Variants in PTPRT observed in about 807,000 individuals in gnomAD.
The protein encoded by PTPRT is protein tyrosine phosphatase receptor type T.
A neutral mutation model predicts 176.8 loss-of-function variants in PTPRT; 56 were observed. The ratio of observed to expected loss-of-function variants is 0.32; its 90% CI spans 0.26 to 0.40. The LOEUF is 0.40. PTPRT is among the 10% of genes least tolerant of loss of function. The pLI is 1.00. For synonymous variants in PTPRT, 783 were observed against 739.0 expected, an observed-to-expected ratio of 1.06 and a Z score of -0.96; for missense variants, 1,540 against 1,908.2, an observed-to-expected ratio of 0.81 and a Z score of 3.60.
intron 6 of PTPRT, 132 bp downstream of exon 6, chr20:42,756,330 G>T (rs2145405547): frequency 1.0e-6 from 1 of 970,988 alleles, no homozygotes. Flanking sequence ...TGGGGAGGGA[G>T]GCCAGAGTGA....
chr20:42,456,247 G>T (rs942401523), intron 8 of PTPRT, among the ~76,000 whole-genome samples: 8 of 151,864 alleles, frequency 5.3e-5, no homozygotes, highest in Admixed American at 2.6e-4. Flanking sequence ...TTAATGTCTT[G>T]GCAAACATGC....
intron 7 of PTPRT, among the ~76,000 whole-genome samples, chr20:42,598,014 C>A (rs1260677537): frequency 1.3e-5 from 2 of 152,072 alleles, no homozygotes; most frequent in South Asian, 2.1e-4. Context: ...CCCACAGAAG[C>A]CTTTTCATCA....
chr20:42,503,484 A>G (rs1227561674), intron 7 of PTPRT, among the ~76,000 whole-genome samples: 1 of 152,106 alleles, frequency 6.6e-6, no homozygotes, highest in Non-Finnish European at 1.5e-5. Flanking sequence ...AACTTTAATA[A>G]AAGTAAAATT....
At chr20:42,390,035 C>T (rs1352580368) in intron 9 of PTPRT, among the ~76,000 whole-genome samples, 1 of 152,138 alleles carries the variant, frequency 6.6e-6, no homozygotes, top group Non-Finnish European at 1.5e-5. Flanking sequence ...TATATCAGCA[C>T]AGTATGGACT....
the PTPRT span, among the ~76,000 whole-genome samples, chr20:42,065,197 G>C: frequency 1.3e-5 from 2 of 152,192 alleles, no homozygotes; most frequent in African/African-American, 2.4e-5. Flanking sequence ...CAGAATTCCT[G>C]ACCCACAAAA....
intron 2 of PTPRT, among the ~76,000 whole-genome samples, chr20:42,804,565 G>A (rs1310194279): frequency 6.6e-6 from 1 of 152,242 alleles, no homozygotes; most frequent in Non-Finnish European, 1.5e-5. Context: ...GAGCTGAATG[G>A]GTTCCCTGAA....
intron 3 of PTPRT, among the ~76,000 whole-genome samples, chr20:42,783,612 C>T (rs1315490276): frequency 6.6e-6 from 1 of 152,090 alleles, no homozygotes; most frequent in Non-Finnish European, 1.5e-5. Context: ...CAATAGATAG[C>T]CAGCTCCAGT....
In PTPRT at chr20:43,139,893, C is replaced by A. The variant is rs561117462; in HGVS notation, c.88+49753G>T. ...AAAGGCTTCTTGTACGATAAGGAGA[C>A]AAAAGCCTCCAAGGGACTTACCACA... is the stretch of plus-strand genomic sequence containing the variant. On this transcript the variant is annotated intron_variant, in intron 1 of 30. Coordinates refer to ENST00000373187, the MANE Select transcript of PTPRT (RefSeq NM_007050.6). Among the ~76,000 whole-genome samples, 11 of 152,268 alleles carry A rather than the reference C, an allele frequency of 7.2e-5. No individual in the cohort carries two copies. In the East Asian group the frequency reaches 2.1e-3, roughly 29 times the overall value.
At chr20:43,183,014 G>A (rs2015303249) in intron 1 of PTPRT, among the ~76,000 whole-genome samples, 1 of 152,092 alleles carries the variant, frequency 6.6e-6, no homozygotes, top group African/African-American at 2.4e-5. Flanking sequence ...AGTTATTCGT[G>A]TCTTTAATTT....
At chr20:42,694,025 C>A (rs1569089510) in intron 6 of PTPRT, among the ~76,000 whole-genome samples, 2 of 147,624 alleles carry the variant, frequency 1.4e-5, no homozygotes, top group Non-Finnish European at 1.5e-5. Flanking sequence ...GGTTTTTTTT[C>A]TTTTATTTTA....
chr20:42,385,135 T>C (rs6065472), intron 9 of PTPRT, among the ~76,000 whole-genome samples: 66,225 of 152,062 alleles, frequency 0.44, 15,694 homozygotes, highest in Non-Finnish European at 0.53. Flanking sequence ...ATGCTTTTAA[T>C]GTTATATCCA....
chr20:42,270,506 A>G (rs2056916252), intron 13 of PTPRT: 1 of 1,502,280 alleles, frequency 6.7e-7, no homozygotes, highest in Non-Finnish European at 9.1e-7. Context: ...AAGGAGAGAA[A>G]GAAACACACA....
At chr20:42,665,600 C>T (rs2075301278) in intron 7 of PTPRT, among the ~76,000 whole-genome samples, 1 of 152,128 alleles carries the variant, frequency 6.6e-6, no homozygotes, top group African/African-American at 2.4e-5. Context: ...TGGGTATATA[C>T]CCAAAGGATT....
In PTPRT at chr20:42,248,767, G is replaced by A. The variant is rs188009016; in HGVS notation, c.2232C>T (p.Thr744=). The stretch of plus-strand genomic sequence containing the variant: ...CAGCGATCACGCCAGCCATCTTCAC[G>A]GTGTTGTCCACCTGCTTCTCTGGCT... ...TVEPEKQVDN[T]VKMAGVIAGL... Residue 744 remains threonine (T), a synonymous_variant, in exon 14 of 31, where the codon ACC becomes ACT. Transcript: ENST00000373187. 590 of 1,614,056 alleles carry A rather than the reference G, an allele frequency of 3.7e-4. No homozygotes were observed. Among genetic ancestry groups the A allele is most frequent in the Non-Finnish European group, 3.9e-4 (455 of 1,179,978 alleles).
At chr20:42,957,128 C>T (rs1981689029) in intron 1 of PTPRT, among the ~76,000 whole-genome samples, 1 of 152,178 alleles carries the variant, frequency 6.6e-6, no homozygotes, top group Non-Finnish European at 1.5e-5. Flanking sequence ...GCATCAAAAG[C>T]TGCCCTGAGC....
chr20:42,232,877 C>A (rs2056165117), intron 15 of PTPRT, among the ~76,000 whole-genome samples: 6 of 149,762 alleles, frequency 4.0e-5, no homozygotes, highest in Admixed American at 4.0e-4. Context: ...GGCAGGCTGG[C>A]TACCTCTTCA....
At chr20:42,084,973 C>CG (rs1318227735) in intron 28 of PTPRT, 128 bp from the exon 29 acceptor site, 1 of 702,588 alleles carries the variant, frequency 1.4e-6, no homozygotes, top group Non-Finnish European at 2.0e-6. Flanking sequence ...CATGTCCTCA[C>CG]GGGGAGAGTC....
chr20:42,505,254 C>T (rs1038922226), intron 7 of PTPRT, among the ~76,000 whole-genome samples: 1 of 152,036 alleles, frequency 6.6e-6, no homozygotes, highest in Non-Finnish European at 1.5e-5. Flanking sequence ...GGACAGCCTC[C>T]ACCAACCCTC....
At chr20:42,502,731 C>T (rs1329843813) in intron 7 of PTPRT, among the ~76,000 whole-genome samples, 1 of 151,954 alleles carries the variant, frequency 6.6e-6, no homozygotes, top group African/African-American at 2.4e-5. Context: ...GATTTTTTAG[C>T]TATTAGTGAG....
Sources: allele counts gnomAD v4.1 joint callset (sites outside exome capture counted in the v4.1 genomes callset), GRCh38; gene constraint gnomAD v4.1.1; transcripts MANE v1.5; gene names NCBI Gene and HGNC (gene_info 2026-07-23, HGNC 2026-07-21).